Variants in ALMS1 observed in about 807,000 individuals in gnomAD.
ALMS1 encodes the protein ALMS1 centrosome and basal body associated protein, also known as centrosome-associated protein ALMS1.
Under a neutral mutation model 352.2 loss-of-function variants are expected in ALMS1, and 271 were observed. The ratio of observed to expected loss-of-function variants is 0.77; its 90% CI spans 0.70 to 0.85. The LOEUF (loss-of-function observed/expected upper bound fraction) is 0.85. Among genes scored for constraint, ALMS1 ranks in the 40% least tolerant of loss-of-function variants. ALMS1 has a pLI of 0.00. For synonymous variants in ALMS1, 1,865 were observed against 1,761.2 expected, an observed-to-expected ratio of 1.06 and a Z score of -1.48; for missense variants, 5,445 against 4,870.7, an observed-to-expected ratio of 1.12 and a Z score of -3.51.
At chr2:73,466,717 T>G (rs1672355694) in intron 9 of ALMS1, among the ~76,000 whole-genome samples, 1 of 152,086 alleles carries the variant, frequency 6.6e-6, no homozygotes. Context: ...ATTTGTGATG[T>G]AGGAAATATT....
At chr2:73,430,564 A>G (rs573192925) in intron 6 of ALMS1, among the ~76,000 whole-genome samples, 1 of 152,330 alleles carries the variant, frequency 6.6e-6, no homozygotes, top group East Asian at 1.9e-4. Flanking sequence ...CCACATAATG[A>G]TATTTCAGTT....
In ALMS1 at chr2:73,449,860, GC is replaced by G; in HGVS notation, c.3335del (p.Pro1112GlnfsTer10). On this transcript the variant is annotated frameshift_variant, in exon 8 of 23. Coordinates refer to ENST00000613296, the MANE Select transcript of ALMS1 (RefSeq NM_001378454.1). LOFTEE classifies it high-confidence loss of function. ...KPGIFYQQTLPESHLPKEALK... is the reference protein window; with the variant it reads ...KPGIFYQQTLXESHLPKEALK... ...CTGGTATTTTCTACCAACAGACCTT[GC>G]CAGAGAGTCATCTGCCTAAAGAGGC... 2 of 1,614,002 alleles carry G rather than the reference GC, an allele frequency of 1.2e-6. No homozygotes were observed. Among genetic ancestry groups the G allele is most frequent in the Non-Finnish European group, 1.7e-6 (2 of 1,179,960 alleles).
In ALMS1 at chr2:73,447,817, C is replaced by A. The variant is rs75170684; in HGVS notation, c.1433-143C>A. ...GTTTTCTAATTAATATCTTTGTGTGCAAATATTTATCTCCTTTGATGGCTG... is the reference window on the plus strand; with the variant it reads ...GTTTTCTAATTAATATCTTTGTGTGAAAATATTTATCTCCTTTGATGGCTG... On this transcript the variant is annotated intron_variant, in intron 7 of 22. Transcript: ENST00000613296. The A allele has an allele frequency of 3.6e-3, 4,107 of 1,125,642 alleles. 113 individuals carry two copies. The African/African-American group carries it at 0.057, about 16-fold the overall frequency. 69.7% of individuals were successfully genotyped at this position (1,125,642 alleles called of 1,614,324 possible).
At chr2:73,514,688 A>G (rs1673521723) in intron 10 of ALMS1, among the ~76,000 whole-genome samples, 1 of 152,142 alleles carries the variant, frequency 6.6e-6, no homozygotes. Flanking sequence ...GCAGTTCTGT[A>G]CTATGTTGGA....
chr2:73,507,560 G>A (rs181250345), intron 10 of ALMS1, among the ~76,000 whole-genome samples: 316 of 152,204 alleles, frequency 2.1e-3, no homozygotes, highest in African/African-American at 6.9e-3. Context: ...GTTTATTTGC[G>A]TAGAGGTGTT....
chr2:73,390,733 A>C (rs1323658135), intron 1 of ALMS1, among the ~76,000 whole-genome samples: 1 of 151,000 alleles, frequency 6.6e-6, no homozygotes, highest in Non-Finnish European at 1.5e-5. Flanking sequence ...TTGGTCTCCA[A>C]CTTTTAATTG....
At chr2:73,442,195 C>T (rs1441182852) in intron 7 of ALMS1, among the ~76,000 whole-genome samples, 1 of 152,074 alleles carries the variant, frequency 6.6e-6, no homozygotes, top group African/African-American at 2.4e-5. Flanking sequence ...AAATCTGGAA[C>T]TTTTTGACTG....
Position 73,447,969 on chromosome 2 carries a change from C to A in ALMS1, c.1442C>A (p.Ser481Tyr). ...APKHLKAGDTSKGGIAKVTQS... is the reference protein window; with the variant it reads ...APKHLKAGDTYKGGIAKVTQS... ...ATCTCTTTTTCTTTAGGAGACACTT[C>A]TAAAGGAGGCATAGCTAAAGTTACT... is the stretch of plus-strand genomic sequence containing the variant. The change falls in exon 8 of 23, where the codon TCT (serine) becomes TAT (tyrosine). Residue 481 changes from serine (S) to tyrosine (Y), a missense_variant. Coordinates refer to ENST00000613296, the MANE Select transcript of ALMS1 (RefSeq NM_001378454.1). 6.2e-7 allele frequency: 1 copy of A among 1,611,208 alleles called. No homozygotes were observed. Among genetic ancestry groups the A allele is most frequent in the Non-Finnish European group, 8.5e-7 (1 of 1,178,416 alleles).
chr2:73,580,197 C>G (rs1675144897), intron 16 of ALMS1, among the ~76,000 whole-genome samples: 1 of 152,178 alleles, frequency 6.6e-6, no homozygotes, highest in African/African-American at 2.4e-5. Flanking sequence ...TCTGCCTCAG[C>G]TTTCCGAGTA....
chr2:73,562,237 C>G (rs1674679185), intron 15 of ALMS1, among the ~76,000 whole-genome samples: 1 of 152,054 alleles, frequency 6.6e-6, no homozygotes, highest in Admixed American at 6.5e-5. Flanking sequence ...GTGATCATAG[C>G]TAACTGTAGC....
At chr2:73,507,872 G>A (rs1332775492) in intron 10 of ALMS1, among the ~76,000 whole-genome samples, 3 of 152,014 alleles carry the variant, frequency 2.0e-5, no homozygotes, top group Admixed American at 2.0e-4. Flanking sequence ...TGATGTTAGG[G>A]TGTCGATTTT....
At chr2:73,419,395 T>A (rs1671243930) in intron 3 of ALMS1, 77 bp downstream of exon 3, 2 of 1,437,908 alleles carry the variant, frequency 1.4e-6, no homozygotes, top group Non-Finnish European at 2.0e-6. Context: ...CTTGTAACTT[T>A]CCCCTTTTTG....
At chr2:73,429,047 T>C (rs1033598930) in intron 6 of ALMS1, among the ~76,000 whole-genome samples, 1 of 152,186 alleles carries the variant, frequency 6.6e-6, no homozygotes, top group Non-Finnish European at 1.5e-5. Context: ...CTTGAGCAAA[T>C]GACTTCGGAG....
At chr2:73,537,790 T>G (rs1204754601) in intron 12 of ALMS1, among the ~76,000 whole-genome samples, 2 of 152,138 alleles carry the variant, frequency 1.3e-5, no homozygotes, top group African/African-American at 4.8e-5. Flanking sequence ...GAGGATTGCC[T>G]GAGCCCTGGA....
chr2:73,543,180 G>A (rs574249356), intron 12 of ALMS1, among the ~76,000 whole-genome samples: 5 of 152,080 alleles, frequency 3.3e-5, no homozygotes, highest in East Asian at 1.9e-4. Context: ...ATAGACCAAC[G>A]GAACAGAACA....
At position 73,460,198 on chromosome 2, in the gene ALMS1, C is replaced by T. The variant is rs569021366; in HGVS notation, c.7674+4903C>T. ...CCTGCAACAGATTGAATTTCTTTCC[C>T]AGCCCCAACTCTTTCAACCCACAAG... is the stretch of plus-strand genomic sequence containing the variant. On this transcript the variant is annotated intron_variant, in intron 9 of 22. Coordinates refer to ENST00000613296, the MANE Select transcript of ALMS1 (RefSeq NM_001378454.1). Among the ~76,000 whole-genome samples the T allele has an allele frequency of 3.9e-4, 59 of 152,228 alleles. 1 individual carries two copies. The South Asian group carries it at 5.8e-3, about 15-fold the overall frequency.
intron 16 of ALMS1, among the ~76,000 whole-genome samples, chr2:73,581,184 T>C (rs763657452): frequency 6.6e-6 from 1 of 152,250 alleles, no homozygotes; most frequent in Non-Finnish European, 1.5e-5. Flanking sequence ...ATGTCTATTG[T>C]TTCCCTTGAA....
In ALMS1 at chr2:73,562,026, A is replaced by G. The variant is rs1420275885; in HGVS notation, c.10384+2884A>G. On this transcript the variant is annotated intron_variant, in intron 15 of 22. Transcript: ENST00000613296. ...AGAAGAAAGAGATGAAAGCAATTAA[A>G]AAAAAATGATGGAATTTGAAGGCTG... Among the ~76,000 whole-genome samples the G allele has an allele frequency of 3.9e-5, 6 of 152,302 alleles. No homozygotes were observed. In the East Asian group the frequency reaches 1.2e-3, roughly 29 times the overall value.
At position 73,490,626 on chromosome 2, in the gene ALMS1, ACAAAG is replaced by A; in HGVS notation, c.8674_8678del (p.Lys2892ProfsTer5). On this transcript the variant is annotated frameshift_variant, in exon 10 of 23. Coordinates refer to ENST00000613296, the MANE Select transcript of ALMS1 (RefSeq NM_001378454.1). LOFTEE classifies it high-confidence loss of function. ...TTCTTGAACAACGAGAGCTCTTTGA[ACAAAG>A]CAAAGCCCCACGTGCAGATGACCAT... The A allele has an allele frequency of 1.2e-6, 2 of 1,614,208 alleles. No homozygotes were observed. The highest frequency in any genetic ancestry group is 1.3e-5 in the African/African-American group (1 of 75,062).
Sources: gnomAD v4.1 joint callset for allele counts (sites outside exome capture counted in the v4.1 genomes callset) on GRCh38, gnomAD v4.1.1 for gene constraint, MANE v1.5 for transcripts, NCBI Gene and HGNC (gene_info 2026-07-23, HGNC 2026-07-21) for gene names.